The following MAGI1 variants were observed in gnomAD, a reference collection of about 807,000 sequenced individuals.
MAGI1 encodes membrane associated guanylate kinase, WW and PDZ domain containing 1.
A neutral mutation model predicts 139.9 loss-of-function variants in MAGI1; 58 were observed. That is an observed-to-expected ratio of 0.41 (90% confidence interval 0.34 to 0.52). The LOEUF (loss-of-function observed/expected upper bound fraction) is 0.52. MAGI1 is among the 20% of genes least tolerant of loss of function. The pLI is 0.12. For synonymous variants in MAGI1, 812 were observed against 737.9 expected (o/e 1.10, Z -1.63); for missense variants, 1,874 against 1,901.6 (o/e 0.99, Z 0.27).
intron 1 of MAGI1, among the ~76,000 whole-genome samples, chr3:65,716,120 C>T (rs541605117): frequency 7.5e-4 from 114 of 152,324 alleles, no homozygotes; most frequent in African/African-American, 2.6e-3. Context: ...TTAAAGGCAT[C>T]CTCTTGTCCT....
chr3:65,614,548 C>T, intron 2 of MAGI1, among the ~76,000 whole-genome samples: 1 of 151,980 alleles, frequency 6.6e-6, no homozygotes, highest in South Asian at 2.1e-4. Flanking sequence ...ACTCAATAAA[C>T]ACAACTTGGT....
At chr3:65,904,039 T>C (rs1417214999) in intron 1 of MAGI1, among the ~76,000 whole-genome samples, 1 of 152,016 alleles carries the variant, frequency 6.6e-6, no homozygotes, top group Non-Finnish European at 1.5e-5. Flanking sequence ...AAAATCATTC[T>C]AATTTCCTCA....
intron 5 of MAGI1, among the ~76,000 whole-genome samples, chr3:65,454,288 A>G (rs1949233268): frequency 6.6e-6 from 1 of 151,806 alleles, no homozygotes; most frequent in Non-Finnish European, 1.5e-5. Context: ...AGAACAAAAA[A>G]CCAAACACCG....
intron 1 of MAGI1, among the ~76,000 whole-genome samples, chr3:65,946,449 G>GT (rs1275116303): frequency 3.7e-4 from 56 of 150,960 alleles, no homozygotes; most frequent in Admixed American, 1.9e-3. Flanking sequence ...GGTCCCTTTG[G>GT]TTTTTTTTTC....
Position 65,359,190 on chromosome 3 carries a change from G to A in MAGI1, c.3634+2009C>T. The stretch of plus-strand genomic sequence containing the variant: ...GGGCCCAGCACCAAGAACAGTCAGA[G>A]AGAAGGAGAAAGAGAGAAAGAGAAA... On this transcript the variant is annotated intron_variant, in intron 22 of 22. Transcript: ENST00000402939. The A allele has an allele frequency of 2.5e-6, 4 of 1,608,152 alleles. 1 individual carries two copies. Among genetic ancestry groups the A allele is most frequent in the Middle Eastern group, 3.5e-4 (2 of 5,762 alleles).
chr3:65,975,608 TAGAC>T (rs2065229441), intron 1 of MAGI1, among the ~76,000 whole-genome samples: 1 of 151,538 alleles, frequency 6.6e-6, no homozygotes. Context: ...ATACAAAAAT[TAGAC>T]AGTCTCATAA....
chr3:65,505,058 C>A (rs1480876708), intron 2 of MAGI1, among the ~76,000 whole-genome samples: 1 of 151,984 alleles, frequency 6.6e-6, no homozygotes, highest in Non-Finnish European at 1.5e-5. Flanking sequence ...CATTTTTGTT[C>A]CAAGAGGGAT....
At chr3:65,735,356 C>CGTGTGTGTTTGT (rs1553699333) in intron 1 of MAGI1, among the ~76,000 whole-genome samples, 1 of 148,078 alleles carries the variant, frequency 6.8e-6, no homozygotes, top group South Asian at 2.1e-4. Flanking sequence ...TGTGTCTGCA[C>CGTGTGTGTTTGT]GTGTGTGTGT....
chr3:65,462,215 T>C (rs1031068808), intron 5 of MAGI1, among the ~76,000 whole-genome samples: 12 of 152,212 alleles, frequency 7.9e-5, no homozygotes, highest in Non-Finnish European at 1.8e-4. Flanking sequence ...CGGAAAGGTA[T>C]TGCCTAGATT....
chr3:65,481,658 A>T (rs1472744421), intron 3 of MAGI1, among the ~76,000 whole-genome samples: 1 of 152,190 alleles, frequency 6.6e-6, no homozygotes, highest in African/African-American at 2.4e-5. Flanking sequence ...TAATTTCCTA[A>T]CCATATCACT....
At chr3:65,582,807 T>C (rs1215584968) in intron 2 of MAGI1, among the ~76,000 whole-genome samples, 1 of 152,120 alleles carries the variant, frequency 6.6e-6, no homozygotes, top group Non-Finnish European at 1.5e-5. Context: ...GAATGTGTGT[T>C]TTCCAAAGAT....
At chr3:65,775,274 C>G (rs2038282359) in intron 1 of MAGI1, among the ~76,000 whole-genome samples, 1 of 149,756 alleles carries the variant, frequency 6.7e-6, no homozygotes, top group Non-Finnish European at 1.5e-5. Context: ...GGCAAAACCC[C>G]ATCTCAACAA....
chr3:65,851,742 C>T (rs1249864652), intron 1 of MAGI1, among the ~76,000 whole-genome samples: 1 of 151,754 alleles, frequency 6.6e-6, no homozygotes, highest in Non-Finnish European at 1.5e-5. Flanking sequence ...GAGCAAGTCT[C>T]TGTCTCAAAA....
At position 65,429,985 on chromosome 3, in the gene MAGI1, T is replaced by G; in HGVS notation, c.1702A>C (p.Ser568Arg). The change falls in exon 12 of 23, where the codon AGT (serine) becomes CGT (arginine). Residue 568 changes from serine (S) to arginine (R), a missense_variant. Ser to Arg is a moderately radical substitution (Grantham distance 110, BLOSUM62 -1). Around this residue, in one of 5 missense-constraint regions of MAGI1, gnomAD observed 86 missense variants for 130.0 expected, o/e 0.66. Coordinates refer to ENST00000402939, the MANE Select transcript of MAGI1 (RefSeq NM_001033057.2). ...LPFDPDDPNTSLVTSVAILDK... is the reference protein window; with the variant it reads ...LPFDPDDPNTRLVTSVAILDK... ...AAAATGGCTACCGAGGTCACTAAAC[T>G]TGTATTGGGGTCATCTGGATCAAAA... 6.2e-7 allele frequency: 1 copy of G among 1,613,972 alleles called. No individual in the cohort carries two copies. Among genetic ancestry groups the G allele is most frequent in the Non-Finnish European group, 8.5e-7 (1 of 1,179,942 alleles).
At chr3:65,365,384 C>T (rs1307271656) in intron 18 of MAGI1, among the ~76,000 whole-genome samples, 1 of 152,192 alleles carries the variant, frequency 6.6e-6, no homozygotes, top group East Asian at 1.9e-4. Flanking sequence ...AGTGAGTCGG[C>T]TTAATTTCCT....
rs1042342394 is a variant in MAGI1 at position 65,353,546 on chromosome 3, T to A, written c.*2832A>T. 2.6e-5 allele frequency: 4 copies of A among 152,154 alleles called. No homozygotes were observed. The highest frequency in any genetic ancestry group is 9.7e-5 in the African/African-American group (4 of 41,426). 9.4% of individuals were successfully genotyped at this position (152,154 alleles called of 1,614,324 possible). On this transcript the variant is annotated 3_prime_UTR_variant, in exon 23 of 23. Transcript: ENST00000402939. The stretch of plus-strand genomic sequence containing the variant: ...AATAGTGGTTGTGGAATGCATACAT[T>A]TCCATGTATTTTTACAGTAAAAATG...
At chr3:65,726,619 C>T (rs964244643) in intron 1 of MAGI1, among the ~76,000 whole-genome samples, 1 of 152,106 alleles carries the variant, frequency 6.6e-6, no homozygotes, top group African/African-American at 2.4e-5. Flanking sequence ...GAATTATTGT[C>T]TTTTATACAT....
At chr3:65,491,745 C>T (rs1952051496) in intron 3 of MAGI1, among the ~76,000 whole-genome samples, 1 of 151,696 alleles carries the variant, frequency 6.6e-6, no homozygotes, top group South Asian at 2.1e-4. Flanking sequence ...TCTCAGACCC[C>T]TGCCCAGCCC....
chr3:65,584,526 C>A (rs181067459), intron 2 of MAGI1, among the ~76,000 whole-genome samples: 2 of 152,036 alleles, frequency 1.3e-5, no homozygotes, highest in African/African-American at 4.8e-5. Context: ...TTCAAGTGGA[C>A]GAGAAACCTA....
Sources: allele counts gnomAD v4.1 joint callset (sites outside exome capture counted in the v4.1 genomes callset), GRCh38; gene constraint gnomAD v4.1.1; regional missense constraint gnomAD v4.1.1; transcripts MANE v1.5; gene names NCBI Gene and HGNC (gene_info 2026-07-23, HGNC 2026-07-21).